Variants in ARHGAP12 observed in about 807,000 individuals in gnomAD.
ARHGAP12 encodes rho GTPase-activating protein 12.
A neutral mutation model predicts 108.6 loss-of-function variants in ARHGAP12; 64 were observed. That is an observed-to-expected ratio of 0.59 (90% CI 0.48 to 0.73). ARHGAP12 has a LOEUF of 0.73. Ranked by LOEUF, ARHGAP12 falls within the 30% of genes least tolerant of loss-of-function variation. The pLI is 0.00. For missense variants in ARHGAP12, 940 were observed against 1,005.9 expected (o/e 0.93, Z 0.89); for synonymous variants, 312 against 337.2 (o/e 0.93, Z 0.82).
chr10:31,829,157 C>CAACAAA (rs1478760071), intron 10 of ARHGAP12, among the ~76,000 whole-genome samples: 2 of 148,800 alleles, frequency 1.3e-5, no homozygotes, highest in East Asian at 3.9e-4. Flanking sequence ...GTCTCAAAAA[C>CAACAAA]AACAACAACA....
chr10:31,824,950 A>T (rs1178442058), intron 11 of ARHGAP12, among the ~76,000 whole-genome samples: 1 of 152,200 alleles, frequency 6.6e-6, no homozygotes, highest in Non-Finnish European at 1.5e-5. Context: ...AGTCCTCTAG[A>T]AATGCATTAA....
chr10:31,866,616 C>T (rs1327946048), intron 3 of ARHGAP12, among the ~76,000 whole-genome samples: 1 of 151,602 alleles, frequency 6.6e-6, no homozygotes, highest in African/African-American at 2.4e-5. Context: ...GAAGGAAATG[C>T]TCCCTTTTTT....
At chr10:31,831,991 T>C (rs910479706) in intron 9 of ARHGAP12, among the ~76,000 whole-genome samples, 191 bp from the exon 10 acceptor site, 2 of 152,208 alleles carry the variant, frequency 1.3e-5, no homozygotes, top group Non-Finnish European at 2.9e-5. Context: ...AGTTTTTTCT[T>C]AATTTTATAA....
At chr10:31,926,820 A>G (rs763438731) in intron 1 of ARHGAP12, among the ~76,000 whole-genome samples, 1 of 152,238 alleles carries the variant, frequency 6.6e-6, no homozygotes, top group Non-Finnish European at 1.5e-5. Context: ...ACAGCACTTA[A>G]TCTATTTTCA....
At position 31,874,400 on chromosome 10, in the gene ARHGAP12, T is replaced by C. The variant is rs565814645; in HGVS notation, c.685-12742A>G. Among the ~76,000 whole-genome samples the C allele has an allele frequency of 5.9e-5, 9 of 152,328 alleles. No homozygotes were observed. The East Asian group carries it at 7.7e-4, about 13-fold the overall frequency. On this transcript the variant is annotated intron_variant, in intron 3 of 19. Coordinates refer to ENST00000344936, the MANE Select transcript of ARHGAP12 (RefSeq NM_018287.7). ...ATAAATGGGTTTCTAACTTACTATC[T>C]GTACCAATTCATTAACAAGTATGCA...
intron 1 of ARHGAP12, among the ~76,000 whole-genome samples, chr10:31,911,362 C>G (rs1033515422): frequency 6.6e-6 from 1 of 152,182 alleles, no homozygotes; most frequent in Non-Finnish European, 1.5e-5. Context: ...GTCACGGAGG[C>G]TGGAGTGCAG....
chr10:31,859,938 G>A lies in ARHGAP12; in HGVS notation c.948+1457C>T, dbSNP rs577186137. Among the ~76,000 whole-genome samples the A allele has an allele frequency of 2.6e-4, 39 of 152,004 alleles. 1 individual carries two copies. In the South Asian group the frequency reaches 5.6e-3, roughly 22 times the overall value. On this transcript the variant is annotated intron_variant, in intron 4 of 19. Transcript: ENST00000344936. ...GCCTTCCAAGTAGCTGGGATTACAG[G>A]TGCCCGCCACCACGCCCGGCTAATT... is the stretch of plus-strand genomic sequence containing the variant.
At chr10:31,834,878 T>C (rs184415191) in intron 9 of ARHGAP12, among the ~76,000 whole-genome samples, 27 of 152,208 alleles carry the variant, frequency 1.8e-4, no homozygotes, top group Admixed American at 2.6e-4. Context: ...ATGGGTAATA[T>C]AGGTTTGGAT....
intron 7 of ARHGAP12, among the ~76,000 whole-genome samples, chr10:31,841,658 G>A (rs543974313): frequency 6.6e-6 from 1 of 152,230 alleles, no homozygotes; most frequent in African/African-American, 2.4e-5. Context: ...GGTAGGCTAG[G>A]CTAAGCCATG....
intron 3 of ARHGAP12, among the ~76,000 whole-genome samples, chr10:31,880,017 A>G (rs1196524138): frequency 6.6e-6 from 1 of 152,190 alleles, no homozygotes; most frequent in Non-Finnish European, 1.5e-5. Context: ...GATGTCAGGT[A>G]TTTATTCATA....
At chr10:31,884,292 T>C (rs1367037365) in intron 3 of ARHGAP12, among the ~76,000 whole-genome samples, 1 of 151,940 alleles carries the variant, frequency 6.6e-6, no homozygotes, top group African/African-American at 2.4e-5. Flanking sequence ...TATTAACATA[T>C]GTTTTTATGA....
chr10:31,901,172 C>A (rs1251808827), intron 3 of ARHGAP12, among the ~76,000 whole-genome samples: 1 of 149,376 alleles, frequency 6.7e-6, no homozygotes, highest in South Asian at 2.1e-4. Context: ...GCCAAGATTG[C>A]GCCACTGCAC....
intron 10 of ARHGAP12, among the ~76,000 whole-genome samples, chr10:31,829,111 C>T (rs1249673516): frequency 1.3e-5 from 2 of 152,122 alleles, no homozygotes. Context: ...AAGATCGCAC[C>T]ACTGCACTCC....
chr10:31,922,330 T>A (rs1180089876), intron 1 of ARHGAP12, among the ~76,000 whole-genome samples: 1 of 148,826 alleles, frequency 6.7e-6, no homozygotes, highest in Admixed American at 6.7e-5. Flanking sequence ...CCTGAAGACA[T>A]CAAAAGGAAA....
In ARHGAP12 at chr10:31,908,689, T is replaced by C; in HGVS notation, c.167A>G (p.Asp56Gly). ...CACATAAAACGCTTTGGAGTTTTCA[T>C]CTGGCTTGACTTGCCACCAGTCATC... ...TNDDWWQVKP[D>G]ENSKAFYVPA... The change falls in exon 3 of 20, where the codon GAT becomes GGT. Residue 56 changes from aspartate (D) to glycine (G), a missense_variant. Coordinates refer to ENST00000344936, the MANE Select transcript of ARHGAP12 (RefSeq NM_018287.7). 1 of 1,614,154 alleles carries C rather than the reference T, an allele frequency of 6.2e-7. No homozygotes were observed. The highest frequency in any genetic ancestry group is 8.5e-7 in the Non-Finnish European group (1 of 1,180,016).
At chr10:31,853,330 T>G (rs953402479) in intron 5 of ARHGAP12, among the ~76,000 whole-genome samples, 2 of 152,194 alleles carry the variant, frequency 1.3e-5, no homozygotes, top group African/African-American at 4.8e-5. Flanking sequence ...TAGGAATTAC[T>G]TCCTATGGCC....
chr10:31,917,429 C>T (rs1839610136), intron 1 of ARHGAP12, among the ~76,000 whole-genome samples: 1 of 152,018 alleles, frequency 6.6e-6, no homozygotes. Flanking sequence ...GAAAAGAAAT[C>T]ATTACCCTAG....
chr10:31,900,834 T>A (rs964102203), intron 3 of ARHGAP12, among the ~76,000 whole-genome samples: 2 of 90,118 alleles, frequency 2.2e-5, no homozygotes, highest in Non-Finnish European at 4.8e-5. Flanking sequence ...TGTATGCAAA[T>A]TTTTTTTTTA....
chr10:31,818,313 G>A (rs1028894456), intron 12 of ARHGAP12, among the ~76,000 whole-genome samples: 1 of 152,082 alleles, frequency 6.6e-6, no homozygotes. Flanking sequence ...AAATACAGAA[G>A]AAAGAATACA....
Sources: allele counts gnomAD v4.1 joint callset (sites outside exome capture counted in the v4.1 genomes callset), GRCh38; gene constraint gnomAD v4.1.1; transcripts MANE v1.5; gene names NCBI Gene and HGNC (gene_info 2026-07-23, HGNC 2026-07-21).